Variants in DEPTOR observed in about 807,000 individuals in gnomAD.
DEPTOR encodes DEP domain-containing mTOR-interacting protein.
Under a neutral mutation model 41.6 loss-of-function variants are expected in DEPTOR, and 41 were observed. The observed-to-expected ratio is 0.98, with a 90% CI of 0.77 to 1.28. DEPTOR has a LOEUF of 1.28. Among genes scored for constraint, DEPTOR ranks in the 50% most tolerant of loss-of-function variants. The pLI is 0.00. For synonymous variants in DEPTOR, 195 were observed against 192.3 expected, an observed-to-expected ratio of 1.01 and a Z score of -0.12; for missense variants, 514 against 527.9, an observed-to-expected ratio of 0.97 and a Z score of 0.26.
chr8:119,991,358 C>T (rs1375621640), intron 4 of DEPTOR, among the ~76,000 whole-genome samples: 1 of 152,106 alleles, frequency 6.6e-6, no homozygotes, highest in East Asian at 1.9e-4. Context: ...CTCTGTTTCC[C>T]AGGCTGGAGT....
At chr8:119,997,683 G>T (rs763653321) in intron 4 of DEPTOR, among the ~76,000 whole-genome samples, 28 of 152,152 alleles carry the variant, frequency 1.8e-4, no homozygotes, top group Non-Finnish European at 2.9e-4. Context: ...GCTGGCACTG[G>T]TGCTCTCTTA....
chr8:119,958,181 A>G (rs988289612), intron 3 of DEPTOR, among the ~76,000 whole-genome samples: 1 of 152,190 alleles, frequency 6.6e-6, no homozygotes, highest in Non-Finnish European at 1.5e-5. Context: ...TATTGGTTTC[A>G]TGTGGGCACA....
chr8:119,977,685 T>C (rs986550379), intron 4 of DEPTOR, among the ~76,000 whole-genome samples: 1 of 152,200 alleles, frequency 6.6e-6, no homozygotes, highest in Non-Finnish European at 1.5e-5. Flanking sequence ...AAGTATTGGT[T>C]TATGTTAAAG....
intron 4 of DEPTOR, among the ~76,000 whole-genome samples, chr8:119,977,128 G>A (rs1281141420): frequency 6.6e-6 from 1 of 152,122 alleles, no homozygotes; most frequent in East Asian, 1.9e-4. Context: ...AGCTTCCCAA[G>A]TAGCTAGAAT....
intron 4 of DEPTOR, among the ~76,000 whole-genome samples, chr8:119,988,796 A>G (rs1828861890): frequency 6.6e-6 from 1 of 151,974 alleles, no homozygotes; most frequent in African/African-American, 2.4e-5. Flanking sequence ...TAGGCCTTTT[A>G]CATATGTTGT....
At chr8:120,042,828 A>AT (rs1393056243) in intron 8 of DEPTOR, among the ~76,000 whole-genome samples, 3 of 151,352 alleles carry the variant, frequency 2.0e-5, no homozygotes, top group African/African-American at 2.4e-5. Flanking sequence ...GTATTTTTTT[A>AT]TTTTTATTTT....
At position 119,965,215 on chromosome 8, in the gene DEPTOR, C is replaced by T. The variant is rs1828541031; in HGVS notation, c.426-17C>T. Reference sequence around the variant, plus strand: ...TTCGTATAGGTTTACTTTTCTTTTCCCTTTTTTTCTTCCCAGGCTGATGAG... The same window carrying T: ...TTCGTATAGGTTTACTTTTCTTTTCTCTTTTTTTCTTCCCAGGCTGATGAG... On this transcript the variant is annotated splice_polypyrimidine_tract_variant and intron_variant, in intron 3 of 8. Coordinates refer to ENST00000286234, the MANE Select transcript of DEPTOR (RefSeq NM_022783.4). 2.5e-6 allele frequency: 4 copies of T among 1,598,058 alleles called. No individual in the cohort carries two copies. The East Asian group carries it at 6.7e-5, about 27-fold the overall frequency.
Position 120,014,867 on chromosome 8 carries a change from C to T in DEPTOR, c.1101+5734C>T, listed in dbSNP as rs570756621. Among the ~76,000 whole-genome samples the T allele has an allele frequency of 2.4e-4, 37 of 151,568 alleles. No homozygotes were observed. The South Asian group carries it at 5.4e-3, about 22-fold the overall frequency. On this transcript the variant is annotated intron_variant, in intron 8 of 8. Transcript: ENST00000286234. ...TACAGTATAATGAATATTGTGTAAA[C>T]GTTAACGTTGGTTTCATGTCACAAC...
At chr8:119,912,375 C>G (rs1004048113) in intron 1 of DEPTOR, among the ~76,000 whole-genome samples, 1 of 152,118 alleles carries the variant, frequency 6.6e-6, no homozygotes. Flanking sequence ...TTACATAATC[C>G]TTGAACTCCA....
At chr8:120,027,130 A>T (rs887485811) in intron 8 of DEPTOR, among the ~76,000 whole-genome samples, 20 of 151,932 alleles carry the variant, frequency 1.3e-4, no homozygotes, top group African/African-American at 4.6e-4. Context: ...AGGCAGGAGA[A>T]TCACTTGAAC....
intron 6 of DEPTOR, among the ~76,000 whole-genome samples, chr8:120,004,872 T>A (rs73705877): frequency 6.6e-6 from 1 of 151,750 alleles, no homozygotes; most frequent in Non-Finnish European, 1.5e-5. Context: ...GCCTTCACAG[T>A]GATGCATTTA....
intron 8 of DEPTOR, among the ~76,000 whole-genome samples, chr8:120,030,391 C>T (rs571152807): frequency 3.3e-5 from 5 of 150,888 alleles, no homozygotes; most frequent in Non-Finnish European, 5.9e-5. Context: ...TGGTGGGTAC[C>T]GGTCATTATA....
At chr8:119,948,935 G>A (rs1255771120) in intron 3 of DEPTOR, among the ~76,000 whole-genome samples, 1 of 152,020 alleles carries the variant, frequency 6.6e-6, no homozygotes, top group Non-Finnish European at 1.5e-5. Flanking sequence ...TTACAGACAT[G>A]CGCCACCACA....
chr8:120,047,088 A>G (rs1245873611), intron 8 of DEPTOR, among the ~76,000 whole-genome samples: 1 of 152,124 alleles, frequency 6.6e-6, no homozygotes, highest in Non-Finnish European at 1.5e-5. Flanking sequence ...CAGTGGCAGA[A>G]TCTCGGCCCA....
At chr8:119,921,380 T>C (rs527364122) in intron 1 of DEPTOR, among the ~76,000 whole-genome samples, 4 of 152,182 alleles carry the variant, frequency 2.6e-5, no homozygotes. Flanking sequence ...AGTGTGAAAA[T>C]TTTTATCTCT....
At chr8:119,998,269 A>G (rs1293208652) in intron 4 of DEPTOR, among the ~76,000 whole-genome samples, 2 of 152,214 alleles carry the variant, frequency 1.3e-5, no homozygotes, top group Admixed American at 1.3e-4. Flanking sequence ...TATTTTTAGC[A>G]GAGGCTGGGT....
chr8:119,921,760 G>C (rs9987333), intron 1 of DEPTOR, among the ~76,000 whole-genome samples: 1 of 128,524 alleles, frequency 7.8e-6, no homozygotes, highest in African/African-American at 3.5e-5. Flanking sequence ...TTTTTTTTTT[G>C]TTTGTTTGTT....
At chr8:119,964,881 C>T (rs541707674) in intron 3 of DEPTOR, among the ~76,000 whole-genome samples, 5 of 152,030 alleles carry the variant, frequency 3.3e-5, no homozygotes, top group Non-Finnish European at 5.9e-5. Flanking sequence ...CAAGACCAGC[C>T]TGACCAACAT....
chr8:119,953,433 A>G (rs1390664737), intron 3 of DEPTOR, among the ~76,000 whole-genome samples: 1 of 151,824 alleles, frequency 6.6e-6, no homozygotes, highest in Non-Finnish European at 1.5e-5. Context: ...AAATACAAAA[A>G]TTAGCTGGGC....
Sources: allele counts gnomAD v4.1 joint callset (sites outside exome capture counted in the v4.1 genomes callset), GRCh38; gene constraint gnomAD v4.1.1; transcripts MANE v1.5; gene names NCBI Gene and HGNC (gene_info 2026-07-23, HGNC 2026-07-21).